The following MME variants were observed in gnomAD, a reference collection of about 807,000 sequenced individuals.
The protein encoded by MME is neprilysin.
A neutral mutation model predicts 113.2 loss-of-function variants in MME; 98 were observed. That is an observed-to-expected ratio of 0.87 (90% confidence interval 0.74 to 1.02). The LOEUF (loss-of-function observed/expected upper bound fraction) is 1.02, where lower values mean the gene tolerates loss of function less well. Among genes scored for constraint, MME ranks in the 50% least tolerant of loss-of-function variants. The pLI is 0.00. For missense variants in MME, 836 were observed against 896.0 expected, an observed-to-expected ratio of 0.93 and a Z score of 0.86; for synonymous variants, 292 against 300.6, an observed-to-expected ratio of 0.97 and a Z score of 0.30.
At chr3:155,134,211 T>A (rs1388408022) in intron 8 of MME, among the ~76,000 whole-genome samples, 1 of 151,978 alleles carries the variant, frequency 6.6e-6, no homozygotes, top group Admixed American at 6.6e-5. Context: ...GGTACTGAGG[T>A]TTAGAATATG....
At chr3:155,096,821 C>T (rs943209650) in intron 3 of MME, among the ~76,000 whole-genome samples, 5 of 152,176 alleles carry the variant, frequency 3.3e-5, no homozygotes, top group East Asian at 1.9e-4. Context: ...CAGACTCAGG[C>T]GATCCTCCCA....
chr3:155,072,938 G>A (rs1202466575), intron 1 of MME, among the ~76,000 whole-genome samples: 2 of 152,170 alleles, frequency 1.3e-5, no homozygotes, highest in East Asian at 3.8e-4. Flanking sequence ...AATGTTTAGA[G>A]TTATCGTTTC....
At chr3:155,049,593 G>A (rs1473436243) in intron 1 of MME, among the ~76,000 whole-genome samples, 2 of 152,014 alleles carry the variant, frequency 1.3e-5, no homozygotes, top group Non-Finnish European at 2.9e-5. Context: ...ATAGAATTAA[G>A]GAACATGGTA....
At chr3:155,151,614 T>C (rs1173468913) in intron 16 of MME, among the ~76,000 whole-genome samples, 1 of 152,144 alleles carries the variant, frequency 6.6e-6, no homozygotes, top group Non-Finnish European at 1.5e-5. Context: ...ACAGCATTTG[T>C]CATTTAGGCA....
At position 155,133,866 on chromosome 3, in the gene MME, G is replaced by A. The variant is rs184751536; in HGVS notation, c.721-4236G>A. On this transcript the variant is annotated intron_variant, in intron 8 of 22. Transcript: ENST00000360490. ...TCAGTAGATTGATATTGGAAAATTCGAACTACCATTTTGTTTATAGTCAGT... is the reference window on the plus strand; with the variant it reads ...TCAGTAGATTGATATTGGAAAATTCAAACTACCATTTTGTTTATAGTCAGT... 4.1e-4 allele frequency among the ~76,000 whole-genome samples: 61 copies of A among 147,914 alleles called. 1 individual carries two copies. Among genetic ancestry groups the A allele is most frequent in the African/African-American group, 1.3e-3 (53 of 40,542 alleles).
chr3:155,087,180 C>CA (rs1447406692), intron 3 of MME, among the ~76,000 whole-genome samples: 1 of 150,726 alleles, frequency 6.6e-6, no homozygotes, highest in African/African-American at 2.4e-5. Flanking sequence ...CTGAACTTTG[C>CA]AAAAAAATGA....
intron 1 of MME, among the ~76,000 whole-genome samples, chr3:155,037,377 T>C (rs1455597022): frequency 6.6e-6 from 1 of 152,142 alleles, no homozygotes; most frequent in East Asian, 1.9e-4. Context: ...GAGGAGGAAA[T>C]TGAACTACAA....
exon 1 of MME, chr3:155,024,316 C>G (rs186347950): frequency 3.3e-5 from 5 of 152,154 alleles, no homozygotes; most frequent in African/African-American, 9.7e-5. Context: ...ACTACACACG[C>G]TCTTGGCTGT....
intron 8 of MME, among the ~76,000 whole-genome samples, chr3:155,121,423 A>C (rs1287935110): frequency 1.3e-5 from 2 of 150,858 alleles, no homozygotes; most frequent in Non-Finnish European, 3.0e-5. Context: ...TCTCTTGCCT[A>C]ATTGCCCTGG....
rs200157166 is a variant in MME, at chr3:155,116,669, A to T, written c.445A>T (p.Ile149Phe). 6.2e-7 allele frequency: 1 copy of T among 1,612,126 alleles called. No individual in the cohort carries two copies. Residue 149 changes from isoleucine to phenylalanine, a missense_variant, in exon 6 of 23, where the codon ATT (isoleucine) becomes TTT (phenylalanine). Coordinates refer to ENST00000360490, the MANE Select transcript of MME (RefSeq NM_007289.4). ...ATGTTTGTTGTTTCCAAAAGCTGCT[A>T]TTGATAGCAGAGGTGGAGAACCTCT... ...LYRSCINESA[I>F]DSRGGEPLLK... is the part of the protein sequence containing the mutation.
rs200189698 is a variant in MME at position 155,168,761 on chromosome 3, C to T, written c.1944C>T (p.Asn648=). The T allele has an allele frequency of 1.3e-4, 217 of 1,613,118 alleles. No homozygotes were observed. The highest frequency in any genetic ancestry group is 1.8e-4 in the Non-Finnish European group (215 of 1,179,442). Reference sequence around the variant, plus strand: ...ATGGAATTAATACACTGGGAGAAAACATTGCTGATAATGGAGGTCTTGGTC... The same window carrying T: ...ATGGAATTAATACACTGGGAGAAAATATTGCTGATAATGGAGGTCTTGGTC... ...HLNGINTLGE[N]IADNGGLGQA... is the part of the protein sequence containing the mutation. Residue 648 remains asparagine (N), a synonymous_variant, in exon 20 of 23, where the codon AAC becomes AAT. Transcript: ENST00000360490.
intron 3 of MME, among the ~76,000 whole-genome samples, chr3:155,099,035 AGGATTT>A (rs1320390475): frequency 6.6e-6 from 1 of 152,168 alleles, no homozygotes; most frequent in Admixed American, 6.5e-5. Flanking sequence ...GTGGACAGTA[AGGATTT>A]GGCTATTGCA....
Position 155,150,118 on chromosome 3 carries a change from G to A in MME, c.1601+1465G>A, listed in dbSNP as rs528075692. The stretch of plus-strand genomic sequence containing the variant: ...ATAGACATACTAAGATTTAATAATT[G>A]TTAGCACTATAAAATATCTATAGAC... On this transcript the variant is annotated intron_variant, in intron 16 of 22. Coordinates refer to ENST00000360490, the MANE Select transcript of MME (RefSeq NM_007289.4). 1.7e-4 allele frequency among the ~76,000 whole-genome samples: 26 copies of A among 152,162 alleles called. 1 individual carries two copies. The South Asian group carries it at 5.4e-3, about 32-fold the overall frequency.
At position 155,129,174 on chromosome 3, in the gene MME, C is replaced by T. The variant is rs190524514; in HGVS notation, c.721-8928C>T. Among the ~76,000 whole-genome samples, 417 of 152,192 alleles carry T rather than the reference C, an allele frequency of 2.7e-3. 1 individual carries two copies. The highest frequency in any genetic ancestry group is 4.9e-3 in the Non-Finnish European group (333 of 68,008). ...ACCAGAGAGGTCTGGCTTCCTTGCC[C>T]GTCGCTTTAGCCTATAATTTTAAAA... is the stretch of plus-strand genomic sequence containing the variant. On this transcript the variant is annotated intron_variant, in intron 8 of 22. Coordinates refer to ENST00000360490, the MANE Select transcript of MME (RefSeq NM_007289.4).
At chr3:155,116,427 T>C (rs1718608889) in intron 4 of MME, 52 bp from the exon 5 acceptor site, 1 of 1,259,722 alleles carries the variant, frequency 7.9e-7, no homozygotes, top group South Asian at 1.2e-5. Context: ...TATGTTTGCA[T>C]AGTGCAAATG....
At chr3:155,177,759 C>G (rs1371165630) in intron 22 of MME, among the ~76,000 whole-genome samples, 1 of 152,116 alleles carries the variant, frequency 6.6e-6, no homozygotes, top group Non-Finnish European at 1.5e-5. Context: ...AAACTCTGAG[C>G]TCTTAGACCA....
intron 8 of MME, among the ~76,000 whole-genome samples, chr3:155,132,551 C>A (rs1449609543): frequency 6.6e-6 from 1 of 151,928 alleles, no homozygotes; most frequent in East Asian, 1.9e-4. Flanking sequence ...TTAAGAAAAG[C>A]TACATAAATG....
chr3:155,082,942 A>T (rs941784738), intron 1 of MME, among the ~76,000 whole-genome samples: 1 of 152,292 alleles, frequency 6.6e-6, no homozygotes, highest in East Asian at 1.9e-4. Context: ...CTGAGCCGCC[A>T]CTTCATCCTG....
intron 4 of MME, among the ~76,000 whole-genome samples, chr3:155,115,563 G>A (rs1718534594): frequency 6.6e-6 from 1 of 152,078 alleles, no homozygotes; most frequent in Non-Finnish European, 1.5e-5. Context: ...CAAGTAGCTG[G>A]GATTGTAGGC....
Sources: allele counts gnomAD v4.1 joint callset (sites outside exome capture counted in the v4.1 genomes callset), GRCh38; gene constraint gnomAD v4.1.1; transcripts MANE v1.5; gene names NCBI Gene and HGNC (gene_info 2026-07-23, HGNC 2026-07-21).